Variants in CCNYL1 observed in about 807,000 individuals in gnomAD.
CCNYL1 encodes cyclin Y like 1, also known as cyclin-Y-like protein 1.
A neutral mutation model predicts 44.2 loss-of-function variants in CCNYL1; 16 were observed. That is an observed-to-expected ratio of 0.36 (90% confidence interval 0.25 to 0.55). The LOEUF is 0.55. Among genes scored for constraint, CCNYL1 ranks in the 20% least tolerant of loss-of-function variants. The probability of loss-of-function intolerance (pLI) is 0.85; values close to 1 mark genes in which losing one functional copy is unlikely to be tolerated. For synonymous variants in CCNYL1, 159 were observed against 163.2 expected (o/e 0.97, Z 0.20); for missense variants, 348 against 451.8 (o/e 0.77, Z 2.08).
intron 3 of CCNYL1, among the ~76,000 whole-genome samples, chr2:207,729,114 T>C (rs1446046986): frequency 6.6e-6 from 1 of 152,160 alleles, no homozygotes; most frequent in Non-Finnish European, 1.5e-5. Context: ...TTTCTTTTTA[T>C]TGGGACCAAT....
chr2:207,734,096 T>A, intron 4 of CCNYL1, 49 bp downstream of exon 4: 4 of 1,166,014 alleles, frequency 3.4e-6, no homozygotes, highest in Non-Finnish European at 5.1e-6. Context: ...CCCCTTATGC[T>A]AAAAGCATCC....
intron 5 of CCNYL1, 55 bp downstream of exon 5, chr2:207,737,501 C>G: frequency 7.2e-7 from 1 of 1,389,926 alleles, no homozygotes; most frequent in South Asian, 1.2e-5. Context: ...TGCATGATAT[C>G]AAGTTCAGTA....
chr2:207,750,407 A>G (rs2091883201), intron 8 of CCNYL1, among the ~76,000 whole-genome samples: 1 of 151,956 alleles, frequency 6.6e-6, no homozygotes, highest in Non-Finnish European at 1.5e-5. Context: ...TAGCTTGCTT[A>G]TTTATTTATT....
intron 3 of CCNYL1, among the ~76,000 whole-genome samples, chr2:207,728,177 T>C (rs575868564): frequency 6.6e-6 from 1 of 152,120 alleles, no homozygotes; most frequent in Non-Finnish European, 1.5e-5. Flanking sequence ...TTGGCCAGGC[T>C]GGTCTCGAAC....
intron 4 of CCNYL1, among the ~76,000 whole-genome samples, chr2:207,737,070 C>G (rs2091771299): frequency 6.6e-6 from 1 of 152,126 alleles, no homozygotes; most frequent in Non-Finnish European, 1.5e-5. Context: ...CGCCTGCTAC[C>G]ACGCCCGGCT....
chr2:207,744,276 G>A (rs1381723481), intron 7 of CCNYL1, among the ~76,000 whole-genome samples: 5 of 152,036 alleles, frequency 3.3e-5, no homozygotes, highest in South Asian at 4.1e-4. Flanking sequence ...AAGGTGTCCC[G>A]TGTGGTTGGA....
At chr2:207,716,523 C>G (rs1250833785) in intron 1 of CCNYL1, among the ~76,000 whole-genome samples, 1 of 152,176 alleles carries the variant, frequency 6.6e-6, no homozygotes, top group African/African-American at 2.4e-5. Context: ...TCCTGAATCA[C>G]TGCTTGACAT....
intron 7 of CCNYL1, among the ~76,000 whole-genome samples, chr2:207,746,673 A>T (rs1238242784): frequency 6.6e-6 from 1 of 152,258 alleles, no homozygotes; most frequent in Non-Finnish European, 1.5e-5. Flanking sequence ...TTTGTCAGTC[A>T]TGAATTCTTA....
intron 1 of CCNYL1, chr2:207,714,392 G>T: frequency 2.4e-6 from 1 of 417,112 alleles, no homozygotes; most frequent in Admixed American, 3.0e-5. Flanking sequence ...CCTGGCCTGG[G>T]CTCAAGCAGT....
chr2:207,744,954 A>G (rs995115524), intron 7 of CCNYL1, among the ~76,000 whole-genome samples: 1 of 152,220 alleles, frequency 6.6e-6, no homozygotes, highest in African/African-American at 2.4e-5. Flanking sequence ...GGTCTCAGCA[A>G]CTAGGTGAAT....
At chr2:207,740,962 G>C (rs2091804564) in intron 6 of CCNYL1, among the ~76,000 whole-genome samples, 1 of 152,026 alleles carries the variant, frequency 6.6e-6, no homozygotes, top group Admixed American at 6.5e-5. Flanking sequence ...GGAAACTAAA[G>C]ATATTTTTTC....
At chr2:207,721,395 T>G (rs1385947551) in intron 1 of CCNYL1, among the ~76,000 whole-genome samples, 1 of 152,242 alleles carries the variant, frequency 6.6e-6, no homozygotes, top group African/African-American at 2.4e-5. Context: ...TTTTAGCCTT[T>G]AGTAATAATG....
intron 7 of CCNYL1, among the ~76,000 whole-genome samples, chr2:207,742,828 A>G (rs969106659): frequency 6.6e-6 from 1 of 152,088 alleles, no homozygotes; most frequent in African/African-American, 2.4e-5. Flanking sequence ...ATCTCTGCCT[A>G]CCTCTTGTGC....
chr2:207,726,779 G>A, intron 2 of CCNYL1, 63 bp from the exon 3 acceptor site: 2 of 1,036,312 alleles, frequency 1.9e-6, no homozygotes, highest in Non-Finnish European at 2.9e-6. Flanking sequence ...CAGATGATTA[G>A]CAACTACTTT....
At chr2:207,717,259 TG>T (rs1433313084) in intron 1 of CCNYL1, among the ~76,000 whole-genome samples, 2 of 152,240 alleles carry the variant, frequency 1.3e-5, no homozygotes, top group East Asian at 3.8e-4. Context: ...AAAGATTTGA[TG>T]CTTACCACTT....
At position 207,729,550 on chromosome 2, in the gene CCNYL1, C is replaced by G. The variant is rs115082212; in HGVS notation, c.330+2674C>G. Among the ~76,000 whole-genome samples the G allele has an allele frequency of 3.5e-3, 536 of 152,172 alleles. 1 individual carries two copies. The highest frequency in any genetic ancestry group is 0.012 in the African/African-American group (501 of 41,504). On this transcript the variant is annotated intron_variant, in intron 3 of 9. Transcript: ENST00000295414. Reference sequence around the variant, plus strand: ...GCAGGACTTTTGTTAACTGATGATTCTTACTGCAAGGACATTGGAGGCCAA... The same window carrying G: ...GCAGGACTTTTGTTAACTGATGATTGTTACTGCAAGGACATTGGAGGCCAA...
At chr2:207,733,613 AT>A (rs1412094091) in intron 3 of CCNYL1, among the ~76,000 whole-genome samples, 1 of 152,206 alleles carries the variant, frequency 6.6e-6, no homozygotes, top group Non-Finnish European at 1.5e-5. Flanking sequence ...ATAATAGAAA[AT>A]CTCAGCTGCT....
At chr2:207,712,349 C>T (rs933351585) in intron 1 of CCNYL1, among the ~76,000 whole-genome samples, 2 of 152,250 alleles carry the variant, frequency 1.3e-5, no homozygotes, top group African/African-American at 4.8e-5. Flanking sequence ...GCTTCCCATT[C>T]TCCCAAGCCG....
At chr2:207,752,902 G>A (rs1011790904) in intron 9 of CCNYL1, among the ~76,000 whole-genome samples, 1 of 126,116 alleles carries the variant, frequency 7.9e-6, no homozygotes, top group East Asian at 2.1e-4. Flanking sequence ...AGCTGGGTAT[G>A]GTGGCACATG....
Sources: gnomAD v4.1 joint callset for allele counts (sites outside exome capture counted in the v4.1 genomes callset) on GRCh38, gnomAD v4.1.1 for gene constraint, MANE v1.5 for transcripts, NCBI Gene and HGNC (gene_info 2026-07-23, HGNC 2026-07-21) for gene names.